The following MYBPC2 variants were observed in gnomAD, a reference collection of about 807,000 sequenced individuals.
MYBPC2 encodes the protein myosin-binding protein C, fast-type.
Under a neutral mutation model 137.0 loss-of-function variants are expected in MYBPC2, and 122 were observed. The observed-to-expected ratio is 0.89, with a 90% CI of 0.77 to 1.03. MYBPC2 has a LOEUF of 1.03. Among genes scored for constraint, MYBPC2 ranks in the 50% least tolerant of loss-of-function variants. The pLI is 0.00. For synonymous variants in MYBPC2, 626 were observed against 612.3 expected (o/e 1.02, Z -0.33); for missense variants, 1,500 against 1,534.4 (o/e 0.98, Z 0.37).
At position 50,435,644 on chromosome 19, in the gene MYBPC2, T is replaced by C. The variant is rs2039695608; in HGVS notation, c.110-132T>C. On this transcript the variant is annotated intron_variant, in intron 2 of 27. Transcript: ENST00000357701. The surrounding 1 kb of genome is among the most constrained non-coding windows in gnomAD (Gnocchi z 4.8). ...GCCTTTCCCAGGTCAGGAAAAGCCA[T>C]TTAACCCCCATGATGTTTGGTTTCT... The C allele has an allele frequency of 1.3e-6, 1 of 781,614 alleles. No homozygotes were observed. Among genetic ancestry groups the C allele is most frequent in the Non-Finnish European group, 2.0e-6 (1 of 494,742 alleles). 48.4% of individuals were successfully genotyped at this position (781,614 alleles called of 1,614,324 possible).
chr19:50,453,985 G>T (rs2039883561), intron 16 of MYBPC2, 35 bp from the exon 17 acceptor site: 3 of 1,558,338 alleles, frequency 1.9e-6, no homozygotes, highest in African/African-American at 2.7e-5. Context: ...TTGGGGACAC[G>T]ATGGGGTGCA....
At chr19:50,462,156 T>G in intron 26 of MYBPC2, 120 bp downstream of exon 26, 1 of 1,372,838 alleles carries the variant, frequency 7.3e-7, no homozygotes, top group South Asian at 1.6e-5. Flanking sequence ...TCAAGGGATT[T>G]AGTCACTTAA....
At chr19:50,451,173 T>C in intron 14 of MYBPC2, 107 bp from the exon 15 acceptor site, 1 of 1,414,442 alleles carries the variant, frequency 7.1e-7, no homozygotes, top group Non-Finnish European at 9.9e-7. Context: ...GCACCCCAGT[T>C]CCCAGGGAGA....
At chr19:50,459,962 G>A (rs1238260137) in intron 23 of MYBPC2, 78 bp from the exon 24 acceptor site, 9 of 1,531,462 alleles carry the variant, frequency 5.9e-6, no homozygotes, top group Non-Finnish European at 7.9e-6. Context: ...GGAGGGAGGG[G>A]GTGTGGAGAG....
chr19:50,454,039 G>A lies in MYBPC2; in HGVS notation c.1769G>A (p.Gly590Asp), dbSNP rs761422218. The A allele has an allele frequency of 1.9e-6, 3 of 1,605,176 alleles. No homozygotes were observed. Among genetic ancestry groups the A allele is most frequent in the Non-Finnish European group, 2.6e-6 (3 of 1,176,306 alleles). ...GTTCAGGTATTCACGACCACCGAGG[G>A]CAGGACCCGCATCGAGAAGCGGGTG... ...KGDEVFTTTE[G>D]RTRIEKRVDC... Residue 590 changes from glycine (G) to aspartate (D), a missense_variant, in exon 17 of 28, where the codon GGC (glycine) becomes GAC (aspartate). By Grantham distance (94) the Gly-to-Asp change is moderately conservative (BLOSUM62 -1). Coordinates refer to ENST00000357701, the MANE Select transcript of MYBPC2 (RefSeq NM_004533.4).
intron 24 of MYBPC2, among the ~76,000 whole-genome samples, chr19:50,461,336 T>C (rs990844363): frequency 3.3e-5 from 5 of 152,164 alleles, no homozygotes; most frequent in African/African-American, 9.7e-5. Context: ...TTCCTTTGTC[T>C]GGGCCGACTG....
At chr19:50,447,309 CTA>C (rs1459050598) in intron 12 of MYBPC2, among the ~76,000 whole-genome samples, 5 of 151,956 alleles carry the variant, frequency 3.3e-5, no homozygotes, top group African/African-American at 9.7e-5. Context: ...ACACGGGACT[CTA>C]TGTGCTATTT....
At chr19:50,449,647 C>T (rs1042219713) in intron 13 of MYBPC2, among the ~76,000 whole-genome samples, 1 of 152,244 alleles carries the variant, frequency 6.6e-6, no homozygotes, top group Admixed American at 6.5e-5. Context: ...AGCTAACAGT[C>T]AACATGGGCT....
chr19:50,455,060 CCCCATGCCCT>C (rs2039895743), intron 18 of MYBPC2, 38 bp from the exon 19 acceptor site: 6 of 1,533,908 alleles, frequency 3.9e-6, no homozygotes, highest in Admixed American at 3.9e-5. Context: ...CTGACTCATG[CCCCATGCCCT>C]CCCGTTCCCT....
At chr19:50,459,342 GGGGCAGGGAT>G (rs765006049) in intron 23 of MYBPC2, 36 bp downstream of exon 23, 24 of 1,569,298 alleles carry the variant, frequency 1.5e-5, no homozygotes, top group Non-Finnish European at 2.1e-5. Context: ...GAGGCCGGGA[GGGGCAGGGAT>G]GGGCAGCGAT....
At chr19:50,441,254 G>A (rs570543735) in intron 8 of MYBPC2, among the ~76,000 whole-genome samples, 178 bp downstream of exon 8, 3 of 152,270 alleles carry the variant, frequency 2.0e-5, no homozygotes, top group African/African-American at 7.2e-5. Flanking sequence ...CTAAAACAGG[G>A]ACAGGGTGGA....
rs532429133 is a variant in MYBPC2, at chr19:50,450,669, A to C, written c.1473-160A>C. 4.6e-5 allele frequency among the ~76,000 whole-genome samples: 7 copies of C among 152,330 alleles called. No individual in the cohort carries two copies. The East Asian group carries it at 1.3e-3, about 29-fold the overall frequency. On this transcript the variant is annotated intron_variant, in intron 13 of 27. Coordinates refer to ENST00000357701, the MANE Select transcript of MYBPC2 (RefSeq NM_004533.4). ...GAGGTTAAGTAACTTGCCCAAGGTCACATAGCTACCGATTTGAAAATAGAC... is the reference window on the plus strand; with the variant it reads ...GAGGTTAAGTAACTTGCCCAAGGTCCCATAGCTACCGATTTGAAAATAGAC...
chr19:50,455,443 C>T, intron 19 of MYBPC2, 67 bp from the exon 20 acceptor site: 1 of 1,578,542 alleles, frequency 6.3e-7, no homozygotes, highest in Non-Finnish European at 8.6e-7. Flanking sequence ...ACCTCTGACT[C>T]CTGCCCCTTC....
At chr19:50,452,038 T>C (rs1423774263) in intron 16 of MYBPC2, 35 bp downstream of exon 16, 5 of 1,543,652 alleles carry the variant, frequency 3.2e-6, no homozygotes, top group African/African-American at 1.4e-5. Context: ...CTCACTCCCT[T>C]TCCGTTTAGG....
Position 50,446,009 on chromosome 19 carries a change from C to A in MYBPC2, c.1263C>A (p.Val421=). The part of the protein sequence containing the change: ...VVQEDRGRYQ[V]ITNGGQCEAE... ...AGGAGGACAGGGGTCGCTATCAGGT[C>A]ATAACCAATGGCGGCCAGTGTGAGG... is the stretch of plus-strand genomic sequence containing the variant. Residue 421 remains valine, a synonymous_variant, in exon 12 of 28, where the codon GTC becomes GTA. Coordinates refer to ENST00000357701, the MANE Select transcript of MYBPC2 (RefSeq NM_004533.4). The A allele has an allele frequency of 1.2e-6, 2 of 1,613,480 alleles. No individual in the cohort carries two copies. The highest frequency in any genetic ancestry group is 1.1e-5 in the South Asian group (1 of 90,912).
intron 4 of MYBPC2, 129 bp from the exon 5 acceptor site, chr19:50,436,488 C>T (rs915714790): frequency 2.6e-5 from 22 of 845,622 alleles, no homozygotes; most frequent in South Asian, 1.0e-4. Context: ...AGACCCCTCT[C>T]GGTCTCCATT....
chr19:50,444,609 G>A (rs1169296125), intron 11 of MYBPC2, among the ~76,000 whole-genome samples: 1 of 152,042 alleles, frequency 6.6e-6, no homozygotes, highest in Non-Finnish European at 1.5e-5. Flanking sequence ...GGCCGGGCGC[G>A]GTGGCTCACG....
intron 20 of MYBPC2, 149 bp downstream of exon 20, chr19:50,455,793 G>A: frequency 8.3e-7 from 1 of 1,200,890 alleles, no homozygotes. Flanking sequence ...TCTCTGGGAT[G>A]GGACCCCCCT....
At chr19:50,449,173 A>T (rs1374859861) in intron 13 of MYBPC2, among the ~76,000 whole-genome samples, 1 of 152,036 alleles carries the variant, frequency 6.6e-6, no homozygotes, top group Non-Finnish European at 1.5e-5. Context: ...ACATAGTGAG[A>T]CACTCTCTCT....
Sources: allele counts gnomAD v4.1 joint callset (sites outside exome capture counted in the v4.1 genomes callset), GRCh38; gene constraint gnomAD v4.1.1; non-coding constraint Gnocchi (gnomAD v3.1); transcripts MANE v1.5; gene names NCBI Gene and HGNC (gene_info 2026-07-23, HGNC 2026-07-21).